The following DNM2 variants were observed in gnomAD, a reference collection of about 807,000 sequenced individuals.
DNM2 encodes the protein dynamin 2.
A neutral mutation model predicts 99.0 loss-of-function variants in DNM2; 15 were observed. The ratio of observed to expected loss-of-function variants is 0.15; its 90% CI spans 0.10 to 0.23. The LOEUF (loss-of-function observed/expected upper bound fraction) is 0.23. DNM2 is among the 10% of genes least tolerant of loss of function. The probability of loss-of-function intolerance (pLI) is 1.00; values close to 1 mark genes in which losing one functional copy is unlikely to be tolerated. For missense variants in DNM2, 742 were observed against 1,189.4 expected (o/e 0.62, Z 5.53); for synonymous variants, 525 against 481.2 (o/e 1.09, Z -1.19).
At chr19:10,781,306 C>G (rs2071361695) in intron 5 of DNM2, 1 of 152,260 alleles carries the variant, frequency 6.6e-6, no homozygotes, top group Non-Finnish European at 1.5e-5. Flanking sequence ...GATCTAGGTT[C>G]AGATCTTGGG....
In DNM2 at chr19:10,818,657, A is replaced by G. The variant is rs532231135; in HGVS notation, c.1672-1323A>G. 2.0e-5 allele frequency among the ~76,000 whole-genome samples: 3 copies of G among 152,294 alleles called. No individual in the cohort carries two copies. Among genetic ancestry groups the G allele is most frequent in the South Asian group, 4.1e-4 (2 of 4,830 alleles). ...CCAGGGAGCCCCCGCTGCCTTCTCC[A>G]CAGTCACTGTGGCTGCTCCTGAACT... On this transcript the variant is annotated intron_variant, in intron 15 of 20. Coordinates refer to ENST00000389253, the MANE Select transcript of DNM2 (RefSeq NM_001005361.3). This position sits in a 1 kb window ranked among gnomAD's most constrained non-coding sequence, Gnocchi z 4.3.
chr19:10,720,200 T>TTTTA (rs1160281450), intron 1 of DNM2, among the ~76,000 whole-genome samples: 8 of 150,382 alleles, frequency 5.3e-5, no homozygotes, highest in South Asian at 2.1e-4. Context: ...GTTTATTTTA[T>TTTTA]TTTATTTATT....
In DNM2 at chr19:10,817,382, C is replaced by T. The variant is rs1166876330; in HGVS notation, c.1672-2598C>T. 8.3e-6 allele frequency: 4 copies of T among 483,550 alleles called. No individual in the cohort carries two copies. Among genetic ancestry groups the T allele is most frequent in the Admixed American group, 2.3e-5 (1 of 44,388 alleles). 30.0% of individuals were successfully genotyped at this position (483,550 alleles called of 1,614,324 possible). ...GTGGAAAATGACACTCACCTGCCGG[C>T]GAGTTTGGGGGGCCTGTCTCGACGA... On this transcript the variant is annotated intron_variant, in intron 15 of 20. Coordinates refer to ENST00000389253, the MANE Select transcript of DNM2 (RefSeq NM_001005361.3). The surrounding 1 kb of genome is among the most constrained non-coding windows in gnomAD (Gnocchi z 4.6).
chr19:10,805,410 C>G (rs1001257814), intron 12 of DNM2, among the ~76,000 whole-genome samples: 4 of 152,272 alleles, frequency 2.6e-5, no homozygotes, highest in African/African-American at 9.6e-5. Flanking sequence ...TGGAGCCAGG[C>G]AGATCCCTTG....
chr19:10,775,896 C>G lies in DNM2; in HGVS notation c.579C>G (p.Val193=), dbSNP rs201924777. The G allele has an allele frequency of 1.2e-6, 2 of 1,611,964 alleles. No individual in the cohort carries two copies. Among genetic ancestry groups the G allele is most frequent in the African/African-American group, 2.7e-5 (2 of 74,912 alleles). The change falls in exon 4 of 21, where the codon GTC becomes GTG. Residue 193 remains valine, a synonymous_variant. Coordinates refer to ENST00000389253, the MANE Select transcript of DNM2 (RefSeq NM_001005361.3). The surrounding 1 kb of genome is among the most constrained non-coding windows in gnomAD (Gnocchi z 4.3). ...NSDALKLAKE[V]DPQGLRTIGV... ...ACGCCCTCAAGCTGGCCAAGGAAGT[C>G]GATCCCCAAGGTAACCCTGAGCCTA...
chr19:10,723,529 A>G (rs1460631591), intron 1 of DNM2, among the ~76,000 whole-genome samples: 2 of 152,144 alleles, frequency 1.3e-5, no homozygotes, highest in Non-Finnish European at 2.9e-5. Context: ...TGGCCTCCCA[A>G]GGTGCTGGGA....
intron 1 of DNM2, among the ~76,000 whole-genome samples, chr19:10,731,729 C>T (rs111519440): frequency 6.6e-5 from 10 of 152,364 alleles, no homozygotes; most frequent in African/African-American, 2.2e-4. Context: ...CTCAGCTTGA[C>T]GAAGGCTTCC....
At chr19:10,814,828 C>A (rs1385090960) in intron 15 of DNM2, among the ~76,000 whole-genome samples, 1 of 152,186 alleles carries the variant, frequency 6.6e-6, no homozygotes, top group Non-Finnish European at 1.5e-5. Context: ...CCCTGATCAA[C>A]CCGTTTCTTG....
At chr19:10,739,781 TG>T (rs1394371822) in intron 1 of DNM2, among the ~76,000 whole-genome samples, 1 of 137,540 alleles carries the variant, frequency 7.3e-6, no homozygotes, top group Non-Finnish European at 1.5e-5. Context: ...CTCTTGAACC[TG>T]GGGGGCAAGG....
Position 10,812,385 on chromosome 19 carries a change from G to T in DNM2, c.1671+8G>T. 6.3e-7 allele frequency: 1 copy of T among 1,593,030 alleles called. No homozygotes were observed. Among genetic ancestry groups the T allele is most frequent in the South Asian group, 1.1e-5 (1 of 89,196 alleles). ...TGGTACAAGGATGAGGAGGTGAGTG[G>T]CAGGCGGGAGCAGGGCTGCTGGGGT... On this transcript the variant is annotated splice_region_variant and intron_variant, in intron 15 of 20. Transcript: ENST00000389253. This position sits in a 1 kb window ranked among gnomAD's most constrained non-coding sequence, Gnocchi z 4.0.
At chr19:10,789,112 C>T (rs2071663238) in intron 7 of DNM2, among the ~76,000 whole-genome samples, 1 of 152,136 alleles carries the variant, frequency 6.6e-6, no homozygotes. Context: ...GCAGGAGAAT[C>T]GCTTGAACCC....
At chr19:10,745,106 A>G (rs1159348847) in intron 1 of DNM2, among the ~76,000 whole-genome samples, 2 of 152,210 alleles carry the variant, frequency 1.3e-5, no homozygotes, top group African/African-American at 4.8e-5. Flanking sequence ...CATGACCTCA[A>G]GCCTGCTGTC....
chr19:10,751,577 G>A (rs1300900821), intron 1 of DNM2, among the ~76,000 whole-genome samples: 2 of 152,198 alleles, frequency 1.3e-5, no homozygotes, highest in African/African-American at 4.8e-5. Flanking sequence ...GCTCCTAGGA[G>A]ACTTCTGGGG....
At chr19:10,780,517 C>A (rs773145136) in intron 5 of DNM2, among the ~76,000 whole-genome samples, 6 of 152,128 alleles carry the variant, frequency 3.9e-5, no homozygotes, top group Non-Finnish European at 7.4e-5. Flanking sequence ...AGAACGAAGG[C>A]GCTTCCACTC....
chr19:10,808,692 A>G (rs752469606), intron 14 of DNM2, 112 bp downstream of exon 14: 10 of 1,372,648 alleles, frequency 7.3e-6, no homozygotes, highest in Non-Finnish European at 1.0e-5. Flanking sequence ...CAAAAATACT[A>G]AAAATCGAGC....
At chr19:10,783,212 G>A (rs1012731821) in intron 6 of DNM2, 92 bp downstream of exon 6, 2 of 1,572,002 alleles carry the variant, frequency 1.3e-6, no homozygotes, top group Non-Finnish European at 8.6e-7. Flanking sequence ...TCAGGCTAGA[G>A]CAGCACTTGT....
chr19:10,817,418 C>A lies in DNM2; in HGVS notation c.1672-2562C>A. Reference sequence around the variant, plus strand: ...GGCCTGTCTCGACGAGCCGCTCACCCAAGCCCAGCCTAACCAATGTGCAGA... The same window carrying A: ...GGCCTGTCTCGACGAGCCGCTCACCAAAGCCCAGCCTAACCAATGTGCAGA... On this transcript the variant is annotated intron_variant, in intron 15 of 20. Transcript: ENST00000389253. The surrounding 1 kb of genome is among the most constrained non-coding windows in gnomAD (Gnocchi z 4.6). 1 of 511,104 alleles carries A rather than the reference C, an allele frequency of 2.0e-6. No individual in the cohort carries two copies. Among genetic ancestry groups the A allele is most frequent in the East Asian group, 5.8e-5 (1 of 17,204 alleles). The allele number at this position is 511,104 out of a possible 1,614,324, so 31.7% of individuals were successfully genotyped here. A position where few individuals can be genotyped will look rare whatever the true frequency, so the allele number is the denominator to read the frequency against.
chr19:10,831,648 C>G lies in DNM2; in HGVS notation c.*601C>G. The G allele has an allele frequency of 4.1e-6, 4 of 986,072 alleles. No homozygotes were observed. The highest frequency in any genetic ancestry group is 4.8e-6 in the Non-Finnish European group (4 of 830,180). 61.1% of individuals were successfully genotyped at this position (986,072 alleles called of 1,614,324 possible). On this transcript the variant is annotated 3_prime_UTR_variant, in exon 21 of 21. Transcript: ENST00000389253. The surrounding 1 kb of genome is among the most constrained non-coding windows in gnomAD (Gnocchi z 4.3). Reference sequence around the variant, plus strand: ...TTTGCTAGGCCCGGAGCCGTTGGCCCGGGCCGGCCTTGCCCTATTCCTCTC... The same window carrying G: ...TTTGCTAGGCCCGGAGCCGTTGGCCGGGGCCGGCCTTGCCCTATTCCTCTC...
chr19:10,810,640 G>C (rs539618862), intron 14 of DNM2: 2 of 152,496 alleles, frequency 1.3e-5, no homozygotes, highest in South Asian at 4.1e-4. Flanking sequence ...AGGCCACCGA[G>C]GGGTGTGCGG....
Sources: gnomAD v4.1 joint callset for allele counts (sites outside exome capture counted in the v4.1 genomes callset) on GRCh38, gnomAD v4.1.1 for gene constraint, Gnocchi (gnomAD v3.1) non-coding constraint, MANE v1.5 for transcripts, NCBI Gene and HGNC (gene_info 2026-07-23, HGNC 2026-07-21) for gene names.